The following HOATZ variants were observed in gnomAD, a reference collection of about 807,000 sequenced individuals.
The protein encoded by HOATZ is HOATZ cilia and flagella associated protein.
A neutral mutation model predicts 24.9 loss-of-function variants in HOATZ; 26 were observed. The observed-to-expected ratio is 1.04, with a 90% CI of 0.76 to 1.45. The LOEUF (loss-of-function observed/expected upper bound fraction) is 1.45, where lower values mean the gene tolerates loss of function less well. Ranked by LOEUF, HOATZ falls within the 40% of genes most tolerant of loss-of-function variation. The pLI is 0.00. For missense variants in HOATZ, 226 were observed against 201.5 expected, an observed-to-expected ratio of 1.12 and a Z score of -0.74; for synonymous variants, 83 against 76.6, an observed-to-expected ratio of 1.08 and a Z score of -0.43.
At chr11:111,533,708 T>G in intron 3 of HOATZ, 38 bp from the exon 4 acceptor site, 4 of 1,444,968 alleles carry the variant, frequency 2.8e-6, no homozygotes, top group Non-Finnish European at 3.8e-6. Context: ...GTCTTTATTA[T>G]TGAATCGAGA....
intron 3 of HOATZ, chr11:111,519,007 A>G (rs2135773803): frequency 2.2e-6 from 1 of 456,126 alleles, no homozygotes; most frequent in Non-Finnish European, 4.4e-6. Flanking sequence ...CTTTCCTGCT[A>G]GATTACAGGC....
intron 3 of HOATZ, among the ~76,000 whole-genome samples, chr11:111,520,489 T>C (rs2135774856): frequency 6.6e-6 from 1 of 152,292 alleles, no homozygotes; most frequent in South Asian, 2.1e-4. Flanking sequence ...TTTTAATCTG[T>C]TCTATTACAC....
intron 3 of HOATZ, among the ~76,000 whole-genome samples, chr11:111,521,113 A>G (rs777207151): frequency 3.9e-5 from 6 of 152,170 alleles, no homozygotes; most frequent in Non-Finnish European, 8.8e-5. Flanking sequence ...CAAGAACCCA[A>G]CAAGGTGTTT....
intron 3 of HOATZ, among the ~76,000 whole-genome samples, chr11:111,529,328 C>T (rs1591557658): frequency 6.6e-6 from 1 of 152,092 alleles, no homozygotes; most frequent in African/African-American, 2.4e-5. Context: ...TTGGCTTGCT[C>T]ATAGTGTTAA....
chr11:111,524,642 A>G (rs1014368644), intron 3 of HOATZ, among the ~76,000 whole-genome samples: 1 of 152,222 alleles, frequency 6.6e-6, no homozygotes, highest in Non-Finnish European at 1.5e-5. Context: ...CCCAACTCCA[A>G]TCACATTGCT....
rs763085620 is a variant in HOATZ at position 111,514,941 on chromosome 11, C to T, written c.157C>T (p.Gln53Ter). 65 of 1,613,930 alleles carry T rather than the reference C, an allele frequency of 4.0e-5. No individual in the cohort carries two copies. Among genetic ancestry groups the T allele is most frequent in the South Asian group, 3.3e-4 (30 of 91,082 alleles). The change falls in exon 1 of 6, where the codon CAG becomes TAG. Residue 53 changes from glutamine (Q) to a stop codon, truncating the protein, a stop_gained. Transcript: ENST00000375618. LOFTEE classifies it high-confidence loss of function. ...GTCGATGTATCCCCCTAGCGAATCTCAGCTGGTGCTGCGCAGAGACAGCAG... is the reference window on the plus strand; with the variant it reads ...GTCGATGTATCCCCCTAGCGAATCTTAGCTGGTGCTGCGCAGAGACAGCAG... ...SASMYPPSES[Q>*]LVLRRDSSQR...
chr11:111,523,249 C>T (rs919992545), intron 3 of HOATZ, among the ~76,000 whole-genome samples: 2 of 116,976 alleles, frequency 1.7e-5, no homozygotes, highest in Admixed American at 1.1e-4. Context: ...CTGTTTAAAA[C>T]GGCCTTAAAG....
At chr11:111,534,322 T>G in intron 4 of HOATZ, 90 bp from the exon 5 acceptor site, 1 of 936,202 alleles carries the variant, frequency 1.1e-6, no homozygotes, top group Non-Finnish European at 1.7e-6. Context: ...CTGTGATGAT[T>G]TTACCTCAGC....
At chr11:111,534,613 C>A in intron 5 of HOATZ, 149 bp downstream of exon 5, 1 of 674,568 alleles carries the variant, frequency 1.5e-6, no homozygotes, top group East Asian at 2.5e-5. Context: ...AAACTTTCTT[C>A]TCCGCACAGC....
At chr11:111,535,920 G>C (rs747394163) in intron 5 of HOATZ, 1 of 152,246 alleles carries the variant, frequency 6.6e-6, no homozygotes, top group Admixed American at 6.5e-5. Flanking sequence ...TTCCCAAAGT[G>C]CTGGGATTAC....
chr11:111,528,455 G>C (rs886571022), intron 3 of HOATZ, among the ~76,000 whole-genome samples: 10 of 152,194 alleles, frequency 6.6e-5, no homozygotes, highest in African/African-American at 2.2e-4. Context: ...AATTTGGAAT[G>C]TAATTCCCAT....
chr11:111,520,017 C>T (rs1160068862), intron 3 of HOATZ, among the ~76,000 whole-genome samples: 2 of 152,152 alleles, frequency 1.3e-5, no homozygotes, highest in African/African-American at 4.8e-5. Context: ...CTGTTAATCA[C>T]AATTGCTATT....
intron 5 of HOATZ, chr11:111,536,227 G>A (rs887939011): frequency 6.6e-6 from 1 of 152,214 alleles, no homozygotes; most frequent in African/African-American, 2.4e-5. Flanking sequence ...AGAAAGTGAT[G>A]TTTGCATACT....
At chr11:111,521,670 C>G (rs1290659782) in intron 3 of HOATZ, among the ~76,000 whole-genome samples, 2 of 152,080 alleles carry the variant, frequency 1.3e-5, no homozygotes, top group African/African-American at 4.8e-5. Context: ...CCTAATTTGT[C>G]AAAGCATTCA....
intron 3 of HOATZ, among the ~76,000 whole-genome samples, chr11:111,526,467 T>A (rs1178114253): frequency 6.6e-6 from 1 of 152,166 alleles, no homozygotes; most frequent in East Asian, 1.9e-4. Context: ...GTAAAATAAC[T>A]AGTATTTAGG....
At chr11:111,528,427 T>C (rs1481646300) in intron 3 of HOATZ, among the ~76,000 whole-genome samples, 2 of 152,248 alleles carry the variant, frequency 1.3e-5, no homozygotes, top group Non-Finnish European at 2.9e-5. Flanking sequence ...ACCTTGGCTC[T>C]GCCTAGGTAA....
At chr11:111,536,725 G>A in intron 5 of HOATZ, 45 bp from the exon 6 acceptor site, 1 of 1,435,062 alleles carries the variant, frequency 7.0e-7, no homozygotes, top group Non-Finnish European at 9.8e-7. Context: ...TGTTCACAAT[G>A]GCGGAGTTCT....
chr11:111,536,895 C>CTAAGAGA lies in HOATZ; in HGVS notation c.*68_*69insTAAGAGA. 1 of 1,242,888 alleles carries CTAAGAGA rather than the reference C, an allele frequency of 8.0e-7. No homozygotes were observed. Among genetic ancestry groups the CTAAGAGA allele is most frequent in the Non-Finnish European group, 1.2e-6 (1 of 843,834 alleles). The allele number at this position is 1,242,888 out of a possible 1,614,324, so 77.0% of individuals were successfully genotyped here. The stretch of plus-strand genomic sequence containing the variant: ...CTTTGGAAACAACCTTCTCTTAGAT[C>CTAAGAGA]AGGATCATTGAGATCACTGGCAACA... On this transcript the variant is annotated 3_prime_UTR_variant, in exon 6 of 6. Transcript: ENST00000375618.
intron 3 of HOATZ, among the ~76,000 whole-genome samples, chr11:111,529,078 T>C (rs2135780505): frequency 6.6e-6 from 1 of 152,358 alleles, no homozygotes; most frequent in East Asian, 1.9e-4. Context: ...TATAAGGAAC[T>C]CACACAAGGC....
Sources: allele counts gnomAD v4.1 joint callset (sites outside exome capture counted in the v4.1 genomes callset), GRCh38; gene constraint gnomAD v4.1.1; transcripts MANE v1.5; gene names NCBI Gene and HGNC (gene_info 2026-07-23, HGNC 2026-07-21).